The following HELZ variants were observed in gnomAD, a reference collection of about 807,000 sequenced individuals.
The protein encoded by HELZ is ATP-dependent RNA helicase with zinc finger domain.
A neutral mutation model predicts 218.2 loss-of-function variants in HELZ; 23 were observed. That is an observed-to-expected ratio of 0.11 (90% CI 0.08 to 0.15). The LOEUF (loss-of-function observed/expected upper bound fraction) is 0.15, where lower values mean the gene tolerates loss of function less well. HELZ is among the 10% of genes least tolerant of loss of function. The pLI, the probability that HELZ is intolerant of heterozygous loss-of-function variation, is 1.00. For missense variants in HELZ, 1,813 were observed against 2,353.7 expected (o/e 0.77, Z 4.75); for synonymous variants, 814 against 829.4 (o/e 0.98, Z 0.32).
chr17:67,110,113 G>A (rs1404182273), intron 28 of HELZ, among the ~76,000 whole-genome samples: 1 of 152,008 alleles, frequency 6.6e-6, no homozygotes, highest in East Asian at 1.9e-4. Context: ...TGTCTCCCAG[G>A]CTGCAGTGCA....
At chr17:67,227,111 C>CA (rs1168329388) in intron 3 of HELZ, among the ~76,000 whole-genome samples, 2 of 150,886 alleles carry the variant, frequency 1.3e-5, no homozygotes, top group South Asian at 2.1e-4. Flanking sequence ...AACTGTATAG[C>CA]AAAAAACATC....
At position 67,076,636 on chromosome 17, in the gene HELZ, T is replaced by G. The variant is rs935592866; in HGVS notation, c.*1616A>C. 2 of 152,216 alleles carry G rather than the reference T, an allele frequency of 1.3e-5. No homozygotes were observed. Among genetic ancestry groups the G allele is most frequent in the Admixed American group, 6.5e-5 (1 of 15,276 alleles). 9.4% of individuals were successfully genotyped at this position (152,216 alleles called of 1,614,324 possible). A position where few individuals can be genotyped will look rare whatever the true frequency, so the allele number is the denominator to read the frequency against. ...AGGCACTCTTTTATCCCAAACTGTCTGAGGATTAAAAGGGGTTGTAGCTGG... is the reference window on the plus strand; with the variant it reads ...AGGCACTCTTTTATCCCAAACTGTCGGAGGATTAAAAGGGGTTGTAGCTGG... On this transcript the variant is annotated 3_prime_UTR_variant, in exon 33 of 33. Transcript: ENST00000358691.
chr17:67,192,127 G>A (rs567136134), intron 9 of HELZ, among the ~76,000 whole-genome samples: 38 of 152,062 alleles, frequency 2.5e-4, no homozygotes, highest in African/African-American at 6.5e-4. Context: ...GCTTGAACCC[G>A]GGAGGCGGAG....
intron 26 of HELZ, 93 bp from the exon 27 acceptor site, chr17:67,120,705 A>G: frequency 1.3e-6 from 1 of 784,798 alleles, no homozygotes; most frequent in South Asian, 1.5e-5. Context: ...AAACATACAA[A>G]GACATACAAA....
At chr17:67,187,970 C>T (rs1326122868) in intron 12 of HELZ, among the ~76,000 whole-genome samples, 1 of 152,160 alleles carries the variant, frequency 6.6e-6, no homozygotes, top group African/African-American at 2.4e-5. Context: ...GGTATATACA[C>T]AATTACCATT....
intron 31 of HELZ, among the ~76,000 whole-genome samples, chr17:67,088,598 C>T (rs2036464375): frequency 6.6e-6 from 1 of 152,186 alleles, no homozygotes; most frequent in Admixed American, 6.5e-5. Context: ...AATTCTCTCG[C>T]TATTAAGTTT....
chr17:67,123,933 AAGT>A (rs748797154), intron 25 of HELZ, 27 bp downstream of exon 25: 1 of 1,551,446 alleles, frequency 6.4e-7, no homozygotes, highest in Admixed American at 1.7e-5. Context: ...TCATAAAAGC[AAGT>A]TTTCATAGGG....
At chr17:67,152,932 TAGG>T (rs1374302873) in intron 17 of HELZ, among the ~76,000 whole-genome samples, 3 of 151,894 alleles carry the variant, frequency 2.0e-5, no homozygotes, top group Admixed American at 2.0e-4. Flanking sequence ...CAGATAGAAA[TAGG>T]AGTAACTGTG....
At chr17:67,155,328 TC>T (rs2038807404) in intron 17 of HELZ, among the ~76,000 whole-genome samples, 1 of 152,048 alleles carries the variant, frequency 6.6e-6, no homozygotes, top group Admixed American at 6.6e-5. Flanking sequence ...AAGGGGAGTT[TC>T]CAGGAGAAAA....
In HELZ at chr17:67,107,644, C is replaced by G; in HGVS notation, c.4766G>C (p.Ser1589Thr). The G allele has an allele frequency of 6.2e-7, 1 of 1,614,008 alleles. No homozygotes were observed. Among genetic ancestry groups the G allele is most frequent in the Non-Finnish European group, 8.5e-7 (1 of 1,179,996 alleles). Residue 1589 changes from serine (S) to threonine (T), a missense_variant, in exon 31 of 33, where the codon AGT becomes ACT. By Grantham distance (58) the Ser-to-Thr change is moderately conservative. Coordinates refer to ENST00000358691, the MANE Select transcript of HELZ (RefSeq NM_014877.4). ...LIRELSHRDQ[S>T]ETRELAEMPP... ...CATTTCAGCTAGTTCCCGTGTTTCACTTTGATCACGATGAGACAGTTCTCT... is the reference window on the plus strand; with the variant it reads ...CATTTCAGCTAGTTCCCGTGTTTCAGTTTGATCACGATGAGACAGTTCTCT...
intron 28 of HELZ, among the ~76,000 whole-genome samples, chr17:67,110,588 A>C (rs2037251616): frequency 6.6e-6 from 1 of 152,176 alleles, no homozygotes; most frequent in South Asian, 2.1e-4. Context: ...TTGGAAATTA[A>C]ACAGGCAATA....
intron 31 of HELZ, among the ~76,000 whole-genome samples, chr17:67,105,041 G>A (rs1036181898): frequency 6.6e-6 from 1 of 152,196 alleles, no homozygotes; most frequent in Non-Finnish European, 1.5e-5. Context: ...CCTGAGGCAA[G>A]AGAATTGCTT....
chr17:67,093,041 A>G (rs1336315200), intron 31 of HELZ, among the ~76,000 whole-genome samples: 2 of 152,216 alleles, frequency 1.3e-5, no homozygotes, highest in Non-Finnish European at 2.9e-5. Context: ...TCCCAGATGA[A>G]CAAGTTGAAA....
chr17:67,222,874 C>A (rs1440007230), intron 3 of HELZ, among the ~76,000 whole-genome samples: 1 of 152,112 alleles, frequency 6.6e-6, no homozygotes, highest in Non-Finnish European at 1.5e-5. Flanking sequence ...GACACCCCTG[C>A]CTAGGACACA....
chr17:67,201,543 T>C (rs958120084), intron 6 of HELZ, among the ~76,000 whole-genome samples: 7 of 152,108 alleles, frequency 4.6e-5, no homozygotes, highest in Non-Finnish European at 2.9e-5. Context: ...TTTCCTAAGA[T>C]TAATAAGTTT....
intron 32 of HELZ, among the ~76,000 whole-genome samples, chr17:67,084,401 G>C (rs992517272): frequency 6.6e-6 from 1 of 152,068 alleles, no homozygotes; most frequent in Admixed American, 6.5e-5. Flanking sequence ...GGTGGCTCAC[G>C]CCTGTAATCC....
intron 31 of HELZ, among the ~76,000 whole-genome samples, chr17:67,105,664 C>T (rs867440619): frequency 6.6e-6 from 1 of 152,192 alleles, no homozygotes; most frequent in Non-Finnish European, 1.5e-5. Flanking sequence ...AATTACATTA[C>T]TGATCAGTTG....
chr17:67,115,166 G>T (rs1002983156), intron 27 of HELZ, among the ~76,000 whole-genome samples: 2 of 152,058 alleles, frequency 1.3e-5, no homozygotes. Context: ...TATCGGAGAT[G>T]AAGAAAGCAC....
Position 67,109,634 on chromosome 17 carries a change from A to G in HELZ, c.3971T>C (p.Val1324Ala). The G allele has an allele frequency of 6.2e-7, 1 of 1,614,126 alleles. No homozygotes were observed. Among genetic ancestry groups the G allele is most frequent in the South Asian group, 1.1e-5 (1 of 91,082 alleles). ...QNRSPESRPS[V>A]VYPSTKFPRK... ...AGGAAATTTGGTACTGGGATAAACA[A>G]CACTAGGACGTGATTCAGGACTTCT... Residue 1324 changes from valine (V) to alanine (A), a missense_variant, in exon 29 of 33, where the codon GTT becomes GCT. Val to Ala is a moderately conservative substitution (Grantham distance 64, BLOSUM62 0). This residue lies in a region of HELZ where 938 missense variants were observed against 1,027.5 expected (regional missense o/e 0.91). Transcript: ENST00000358691.
Sources: gnomAD v4.1 joint callset for allele counts (sites outside exome capture counted in the v4.1 genomes callset) on GRCh38, gnomAD v4.1.1 for gene constraint, gnomAD v4.1.1 regional missense constraint, MANE v1.5 for transcripts, NCBI Gene and HGNC (gene_info 2026-07-23, HGNC 2026-07-21) for gene names.